Variants in TBC1D5 observed in about 807,000 individuals in gnomAD.
TBC1D5 encodes TBC1 domain family member 5.
A neutral mutation model predicts 100.3 loss-of-function variants in TBC1D5; 75 were observed. The observed-to-expected ratio is 0.75, with a 90% CI of 0.62 to 0.91. The LOEUF is 0.91. Ranked by LOEUF, TBC1D5 falls within the 40% of genes least tolerant of loss-of-function variation. The pLI is 0.00. For missense variants in TBC1D5, 910 were observed against 942.4 expected, an observed-to-expected ratio of 0.97 and a Z score of 0.45; for synonymous variants, 323 against 325.6, an observed-to-expected ratio of 0.99 and a Z score of 0.09.
At chr3:17,199,742 G>A (rs1336573701) in intron 18 of TBC1D5, among the ~76,000 whole-genome samples, 1 of 152,220 alleles carries the variant, frequency 6.6e-6, no homozygotes, top group Non-Finnish European at 1.5e-5. Context: ...GAATAAAAAG[G>A]TGATGATGAT....
intron 2 of TBC1D5, among the ~76,000 whole-genome samples, chr3:17,598,343 C>G (rs1301576471): frequency 2.0e-5 from 3 of 152,102 alleles, no homozygotes; most frequent in Admixed American, 1.3e-4. Context: ...TAAGTATGTC[C>G]TTGGAACTAA....
intron 3 of TBC1D5, among the ~76,000 whole-genome samples, chr3:17,432,905 A>G (rs2094468419): frequency 6.6e-6 from 1 of 152,238 alleles, no homozygotes; most frequent in Non-Finnish European, 1.5e-5. Flanking sequence ...CTGAAAAACA[A>G]AAAGTAACTT....
At chr3:17,451,482 CA>C (rs1559914131) in intron 3 of TBC1D5, among the ~76,000 whole-genome samples, 1 of 151,692 alleles carries the variant, frequency 6.6e-6, no homozygotes, top group African/African-American at 2.4e-5. Context: ...TGGTGATCAT[CA>C]AAAAAAAGTC....
chr3:17,601,593 G>A (rs2060946758), intron 2 of TBC1D5, among the ~76,000 whole-genome samples: 1 of 152,180 alleles, frequency 6.6e-6, no homozygotes, highest in African/African-American at 2.4e-5. Context: ...TGCCTAATGA[G>A]ATTAATTCCT....
At chr3:17,559,958 T>C (rs1255277587) in intron 2 of TBC1D5, among the ~76,000 whole-genome samples, 1 of 152,120 alleles carries the variant, frequency 6.6e-6, no homozygotes, top group East Asian at 1.9e-4. Flanking sequence ...TCATTTCTAG[T>C]TACTTTATAT....
chr3:17,674,686 T>A lies in TBC1D5; in HGVS notation c.-100-50773A>T, dbSNP rs184373680. On this transcript the variant is annotated intron_variant, in intron 1 of 21. Transcript: ENST00000253692. ...TAATTATACTTTTTTTTCTAGGACC[T>A]TCCTGCACTGGGTTTGAGCTTTTCA... Among the ~76,000 whole-genome samples, 6 of 152,218 alleles carry A rather than the reference T, an allele frequency of 3.9e-5. No individual in the cohort carries two copies. The East Asian group carries it at 1.2e-3, about 29-fold the overall frequency.
chr3:17,640,310 T>C (rs1005013776), intron 1 of TBC1D5, among the ~76,000 whole-genome samples: 6 of 152,192 alleles, frequency 3.9e-5, no homozygotes, highest in Non-Finnish European at 8.8e-5. Flanking sequence ...TTAGCTTATC[T>C]GAATTAAAAC....
chr3:17,543,882 T>C (rs2096385651), intron 2 of TBC1D5, among the ~76,000 whole-genome samples: 1 of 151,768 alleles, frequency 6.6e-6, no homozygotes. Context: ...TTTTTCTTTT[T>C]TTTTGAGACA....
intron 14 of TBC1D5, among the ~76,000 whole-genome samples, chr3:17,302,345 T>C (rs1282612411): frequency 6.6e-6 from 1 of 152,158 alleles, no homozygotes; most frequent in East Asian, 1.9e-4. Context: ...ATTTCCTTCT[T>C]CTTATGAGGA....
chr3:17,640,590 AT>A (rs1198351677), intron 1 of TBC1D5, among the ~76,000 whole-genome samples: 1 of 152,086 alleles, frequency 6.6e-6, no homozygotes, highest in Non-Finnish European at 1.5e-5. Flanking sequence ...GAATAAACTA[AT>A]TTAGTCATTA....
At chr3:17,502,902 C>T (rs747072996) in intron 3 of TBC1D5, among the ~76,000 whole-genome samples, 9 of 149,658 alleles carry the variant, frequency 6.0e-5, no homozygotes, top group Middle Eastern at 6.8e-3. Context: ...ATTCTACCTC[C>T]TAAATAACTC....
In TBC1D5 at chr3:17,482,679, T is replaced by C. The variant is rs191394883; in HGVS notation, c.97+25795A>G. 7.2e-5 allele frequency among the ~76,000 whole-genome samples: 11 copies of C among 152,314 alleles called. No homozygotes were observed. The East Asian group carries it at 2.1e-3, about 29-fold the overall frequency. Reference sequence around the variant, plus strand: ...AATAAAAGAAGGCTTTGTTTACCAGTGTGTATTTATTTTTGGAGCAAATAT... The same window carrying C: ...AATAAAAGAAGGCTTTGTTTACCAGCGTGTATTTATTTTTGGAGCAAATAT... On this transcript the variant is annotated intron_variant, in intron 3 of 21. Transcript: ENST00000253692.
intron 14 of TBC1D5, among the ~76,000 whole-genome samples, chr3:17,301,018 C>CA (rs11446720): frequency 1 from 150,832 of 150,834 alleles, 75,415 homozygotes; most frequent in Non-Finnish European, 1. Flanking sequence ...TGCAGTGAGC[C>CA]AGATGGCACC....
chr3:17,639,682 T>C (rs2064314131), intron 1 of TBC1D5, among the ~76,000 whole-genome samples: 1 of 152,142 alleles, frequency 6.6e-6, no homozygotes, highest in South Asian at 2.1e-4. Context: ...AATTCAAGTG[T>C]GTCTGAGTAC....
chr3:17,525,919 G>T (rs926364345), intron 2 of TBC1D5, among the ~76,000 whole-genome samples: 2 of 151,982 alleles, frequency 1.3e-5, no homozygotes, highest in African/African-American at 4.8e-5. Flanking sequence ...AAATATATCC[G>T]TCGGAACAGA....
chr3:17,370,987 G>A (rs752443937), intron 13 of TBC1D5, among the ~76,000 whole-genome samples: 2 of 151,942 alleles, frequency 1.3e-5, no homozygotes, highest in Non-Finnish European at 2.9e-5. Flanking sequence ...CCTTTTGTCT[G>A]TAGCAGTGCA....
At position 17,695,953 on chromosome 3, in the gene TBC1D5, C is replaced by A. The variant is rs376478182; in HGVS notation, c.-101+43390G>T. Among the ~76,000 whole-genome samples the A allele has an allele frequency of 4.6e-5, 7 of 152,294 alleles. No homozygotes were observed. In the South Asian group the frequency reaches 1.4e-3, roughly 32 times the overall value. ...CTCAGGATTAAGAGAGTCATCAAAA[C>A]CACACACTACTACATGGAAAATGAA... On this transcript the variant is annotated intron_variant, in intron 1 of 21. Transcript: ENST00000253692.
intron 15 of TBC1D5, among the ~76,000 whole-genome samples, chr3:17,265,639 C>T (rs995803694): frequency 6.6e-6 from 1 of 152,106 alleles, no homozygotes; most frequent in East Asian, 1.9e-4. Flanking sequence ...CAGGGTTATG[C>T]AAACATATGT....
intron 3 of TBC1D5, among the ~76,000 whole-genome samples, chr3:17,448,825 GA>G (rs2094858408): frequency 6.6e-6 from 1 of 152,182 alleles, no homozygotes; most frequent in African/African-American, 2.4e-5. Context: ...AATTGTTAAT[GA>G]ACATCAGCTT....
Sources: gnomAD v4.1 joint callset for allele counts (sites outside exome capture counted in the v4.1 genomes callset) on GRCh38, gnomAD v4.1.1 for gene constraint, MANE v1.5 for transcripts, NCBI Gene and HGNC (gene_info 2026-07-23, HGNC 2026-07-21) for gene names.